The following NLN variants were observed in gnomAD, a reference collection of about 807,000 sequenced individuals.
NLN encodes the protein neurolysin.
In NLN, 64 loss-of-function variants were observed where a neutral mutation model predicts 79.9. The observed-to-expected ratio is 0.80, with a 90% CI of 0.65 to 0.99. NLN has a LOEUF of 0.99. Ranked by LOEUF, NLN falls within the 50% of genes least tolerant of loss-of-function variation. NLN has a pLI of 0.00. For missense variants in NLN, 835 were observed against 858.7 expected (o/e 0.97, Z 0.34); for synonymous variants, 267 against 296.6 (o/e 0.90, Z 1.02).
chr5:65,755,784 T>C (rs1397481858), intron 1 of NLN, among the ~76,000 whole-genome samples: 1 of 152,186 alleles, frequency 6.6e-6, no homozygotes, highest in South Asian at 2.1e-4. Flanking sequence ...GGACATGAGT[T>C]CTTGTGGAGA....
chr5:65,774,341 G>GA (rs1393589106), intron 3 of NLN, among the ~76,000 whole-genome samples: 1 of 152,122 alleles, frequency 6.6e-6, no homozygotes, highest in African/African-American at 2.4e-5. Context: ...TCTATAAGCA[G>GA]AAAAACTTCA....
Position 65,790,624 on chromosome 5 carries a change from C to T in NLN, c.1326-1830C>T, listed in dbSNP as rs534654291. ...ATTACTTCCCACTGGGTCCCTCCCACGACACGTGGGGATTATGAGAACTAC... is the reference window on the plus strand; with the variant it reads ...ATTACTTCCCACTGGGTCCCTCCCATGACACGTGGGGATTATGAGAACTAC... On this transcript the variant is annotated intron_variant, in intron 8 of 12. Transcript: ENST00000380985. Among the ~76,000 whole-genome samples, 55 of 152,310 alleles carry T rather than the reference C, an allele frequency of 3.6e-4. 1 individual carries two copies. The highest frequency in any genetic ancestry group is 3.4e-3 in the Middle Eastern group (1 of 294).
rs747323773 is a variant in NLN, at chr5:65,785,835, G to C, written c.883G>C (p.Gly295Arg). The C allele has an allele frequency of 1.9e-6, 3 of 1,613,600 alleles. No homozygotes were observed. The highest frequency in any genetic ancestry group is 2.5e-6 in the Non-Finnish European group (3 of 1,179,792). ...PLRTKVAKLL[G>R]YSTHADFVLE... The stretch of plus-strand genomic sequence containing the variant: ...GCGAACCAAGGTGGCCAAACTACTC[G>C]GTTATAGCACACATGCTGACTTCGT... Residue 295 changes from glycine (G) to arginine (R), a missense_variant, in exon 7 of 13, where the codon GGT (glycine) becomes CGT (arginine). Gly to Arg is a moderately radical substitution (Grantham distance 125). Coordinates refer to ENST00000380985, the MANE Select transcript of NLN (RefSeq NM_020726.5).
In NLN at chr5:65,812,302, G is replaced by A; in HGVS notation, c.1891G>A (p.Gly631Ser). Reference sequence around the variant, plus strand: ...TGGACATTTGGCAGGGGGATACGATGGCCAATATTATGGATATCTTTGGAG... The same window carrying A: ...TGGACATTTGGCAGGGGGATACGATAGCCAATATTATGGATATCTTTGGAG... ...TFGHLAGGYD[G>S]QYYGYLWSEV... is the part of the protein sequence containing the mutation. Residue 631 changes from glycine to serine, a missense_variant, in exon 12 of 13, where the codon GGC (glycine) becomes AGC (serine). Transcript: ENST00000380985. The A allele has an allele frequency of 8.1e-6, 13 of 1,610,000 alleles. No individual in the cohort carries two copies. Among genetic ancestry groups the A allele is most frequent in the Non-Finnish European group, 1.1e-5 (13 of 1,176,378 alleles).
Position 65,791,409 on chromosome 5 carries a change from T to G in NLN, c.1326-1045T>G, listed in dbSNP as rs111497262. Among the ~76,000 whole-genome samples, 788 of 152,184 alleles carry G rather than the reference T, an allele frequency of 5.2e-3. 14 individuals are homozygous for G. Among genetic ancestry groups the G allele is most frequent in the African/African-American group, 0.018 (747 of 41,510 alleles). On this transcript the variant is annotated intron_variant, in intron 8 of 12. Transcript: ENST00000380985. ...CCCATCTCTACTAAAAATACAAAAA[T>G]TAGCTGGGTGTGGTGGCAGGCACTT...
At position 65,762,684 on chromosome 5, in the gene NLN, CA is replaced by C. The variant is rs1009333243; in HGVS notation, c.302-273del. On this transcript the variant is annotated intron_variant, in intron 2 of 12. Coordinates refer to ENST00000380985, the MANE Select transcript of NLN (RefSeq NM_020726.5). Reference sequence around the variant, plus strand: ...CACCACTGCACTCCAGCCTGGGCGACAAAGCAAGACCCTGTCTCAAAAAAAA... The same window carrying C: ...CACCACTGCACTCCAGCCTGGGCGACAAGCAAGACCCTGTCTCAAAAAAAA... 3.5e-5 allele frequency among the ~76,000 whole-genome samples: 5 copies of C among 141,258 alleles called. No individual in the cohort carries two copies. The Admixed American group carries it at 3.6e-4, about 10-fold the overall frequency. 92.7% of individuals were successfully genotyped at this position (141,258 alleles called of 152,430 possible).
intron 3 of NLN, among the ~76,000 whole-genome samples, chr5:65,768,549 C>T (rs1448525986): frequency 6.6e-6 from 1 of 152,248 alleles, no homozygotes; most frequent in African/African-American, 2.4e-5. Context: ...CAAATAATAT[C>T]AGTGTCTTAG....
In NLN at chr5:65,822,863, G is replaced by A. The variant is rs150853932; in HGVS notation, c.2063G>A (p.Arg688His). ...GMDMLHNFLK[R>H]EPNQKAFLMS... ...GACATGCTCCACAATTTCTTGAAACGTGAGCCAAACCAAAAAGCGTTCCTA... is the reference window on the plus strand; with the variant it reads ...GACATGCTCCACAATTTCTTGAAACATGAGCCAAACCAAAAAGCGTTCCTA... The change falls in exon 13 of 13, where the codon CGT becomes CAT. Residue 688 changes from arginine (R) to histidine (H), a missense_variant. Arg to His is a conservative substitution (Grantham distance 29). Coordinates refer to ENST00000380985, the MANE Select transcript of NLN (RefSeq NM_020726.5). 24 of 1,612,928 alleles carry A rather than the reference G, an allele frequency of 1.5e-5. No homozygotes were observed. The African/African-American group carries it at 2.7e-4, about 18-fold the overall frequency.
chr5:65,738,121 C>G (rs1332824912), intron 1 of NLN, among the ~76,000 whole-genome samples: 3 of 141,560 alleles, frequency 2.1e-5, no homozygotes, highest in African/African-American at 7.9e-5. Flanking sequence ...AGAGCTAGAC[C>G]TTGTCTCACA....
chr5:65,751,635 G>A (rs1233616040), intron 1 of NLN, among the ~76,000 whole-genome samples: 1 of 152,096 alleles, frequency 6.6e-6, no homozygotes. Context: ...AGGAAGTAGA[G>A]GACTTTAAAC....
intron 7 of NLN, 84 bp from the exon 8 acceptor site, chr5:65,788,034 C>T: frequency 7.4e-7 from 1 of 1,344,910 alleles, no homozygotes; most frequent in Non-Finnish European, 1.0e-6. Flanking sequence ...AAGGAGGAAG[C>T]ACCATGCTAA....
chr5:65,802,326 C>A (rs1368900016), intron 9 of NLN, among the ~76,000 whole-genome samples: 1 of 152,254 alleles, frequency 6.6e-6, no homozygotes, highest in Non-Finnish European at 1.5e-5. Flanking sequence ...GGTGCCAGCA[C>A]AGGCGCTGGA....
intron 9 of NLN, among the ~76,000 whole-genome samples, chr5:65,806,912 C>G (rs1760425082): frequency 6.6e-6 from 1 of 152,094 alleles, no homozygotes; most frequent in African/African-American, 2.4e-5. Flanking sequence ...TGCGTTGGCT[C>G]CCACCTGTAA....
intron 1 of NLN, among the ~76,000 whole-genome samples, chr5:65,723,770 G>C (rs1051424913): frequency 7.6e-6 from 1 of 130,866 alleles, no homozygotes; most frequent in Non-Finnish European, 1.6e-5. Context: ...AGCCGAGATC[G>C]CACCACTGTA....
At chr5:65,774,233 G>A (rs968198417) in intron 3 of NLN, among the ~76,000 whole-genome samples, 12 of 151,764 alleles carry the variant, frequency 7.9e-5, no homozygotes, top group African/African-American at 1.9e-4. Flanking sequence ...GGAAGTTAGC[G>A]GAAAATTAAA....
chr5:65,819,065 C>G (rs1760735914), intron 12 of NLN: 1 of 152,162 alleles, frequency 6.6e-6, no homozygotes, highest in Non-Finnish European at 1.5e-5. Context: ...CTTATCTCTC[C>G]CACTTAATAT....
intron 1 of NLN, chr5:65,740,870 CTTTTTTT>C: frequency 7.9e-6 from 1 of 125,824 alleles, no homozygotes; most frequent in Non-Finnish European, 1.6e-5. Context: ...ATACGTAATT[CTTTTTTT>C]TTTTTTTTTT....
chr5:65,818,882 C>G (rs915907337), intron 12 of NLN: 5 of 152,262 alleles, frequency 3.3e-5, no homozygotes, highest in African/African-American at 1.2e-4. Context: ...TAGTGAGAGC[C>G]TGCATGTGCT....
intron 12 of NLN, among the ~76,000 whole-genome samples, chr5:65,821,310 T>G: frequency 6.6e-6 from 1 of 152,214 alleles, no homozygotes; most frequent in East Asian, 1.9e-4. Context: ...GACTATTTTA[T>G]GCTCTGGGCC....
Sources: allele counts gnomAD v4.1 joint callset (sites outside exome capture counted in the v4.1 genomes callset), GRCh38; gene constraint gnomAD v4.1.1; transcripts MANE v1.5; gene names NCBI Gene and HGNC (gene_info 2026-07-23, HGNC 2026-07-21).